Variants in NUP93 observed in about 807,000 individuals in gnomAD.
NUP93 encodes the protein nuclear pore complex protein Nup93.
Under a neutral mutation model 107.8 loss-of-function variants are expected in NUP93, and 55 were observed. The ratio of observed to expected loss-of-function variants is 0.51; its 90% CI spans 0.41 to 0.64. The LOEUF is 0.64. Among genes scored for constraint, NUP93 ranks in the 30% least tolerant of loss-of-function variants. The pLI is 0.00. For synonymous variants in NUP93, 390 were observed against 397.5 expected, an observed-to-expected ratio of 0.98 and a Z score of 0.22; for missense variants, 937 against 1,044.7, an observed-to-expected ratio of 0.90 and a Z score of 1.42.
intron 3 of NUP93, among the ~76,000 whole-genome samples, chr16:56,786,645 C>G (rs1207218347): frequency 2.0e-5 from 3 of 152,228 alleles, no homozygotes; most frequent in African/African-American, 7.2e-5. Flanking sequence ...AAAATAAACT[C>G]TATCTTGCAA....
chr16:56,765,799 G>A (rs948565534), intron 3 of NUP93, among the ~76,000 whole-genome samples: 24 of 152,166 alleles, frequency 1.6e-4, no homozygotes, highest in South Asian at 2.1e-4. Context: ...CTTCACAGAG[G>A]CAGGCTAATG....
chr16:56,804,125 G>A (rs1427077123), intron 4 of NUP93, among the ~76,000 whole-genome samples: 1 of 152,126 alleles, frequency 6.6e-6, no homozygotes, highest in African/African-American at 2.4e-5. Flanking sequence ...GTAGAAATGT[G>A]AAATGGTACA....
intron 21 of NUP93, among the ~76,000 whole-genome samples, chr16:56,842,391 G>A (rs1311351089): frequency 2.0e-5 from 3 of 152,100 alleles, no homozygotes; most frequent in African/African-American, 7.2e-5. Flanking sequence ...TGACACCTGT[G>A]CCCTTTCTGC....
intron 1 of NUP93, among the ~76,000 whole-genome samples, chr16:56,741,424 C>T (rs1401052725): frequency 6.6e-6 from 1 of 152,208 alleles, no homozygotes; most frequent in East Asian, 1.9e-4. Flanking sequence ...GGGGTTTTAT[C>T]TCAGAGGTAA....
intron 3 of NUP93, among the ~76,000 whole-genome samples, chr16:56,795,406 T>C (rs1003108477): frequency 1.1e-4 from 16 of 152,162 alleles, no homozygotes; most frequent in Non-Finnish European, 1.9e-4. Context: ...TTGTTTTGTG[T>C]CTGGGTCCCC....
intron 3 of NUP93, among the ~76,000 whole-genome samples, chr16:56,784,578 T>TA (rs1289164581): frequency 6.6e-6 from 1 of 152,232 alleles, no homozygotes; most frequent in African/African-American, 2.4e-5. Flanking sequence ...TTTATACTGT[T>TA]ACTAAGAGGA....
intron 8 of NUP93, among the ~76,000 whole-genome samples, chr16:56,827,230 G>A (rs1963686893): frequency 6.6e-6 from 1 of 151,948 alleles, no homozygotes; most frequent in Non-Finnish European, 1.5e-5. Context: ...ACATATTTGG[G>A]TATCTGTGAA....
intron 8 of NUP93, among the ~76,000 whole-genome samples, chr16:56,827,043 TCAAAAAA>T (rs1487806458): frequency 5.1e-4 from 4 of 7,788 alleles, no homozygotes; most frequent in Non-Finnish European, 9.6e-4. Flanking sequence ...AGACTCCGTC[TCAAAAAA>T]AAAAAAAAAA....
chr16:56,747,124 G>A (rs1391823689), intron 1 of NUP93, among the ~76,000 whole-genome samples: 2 of 151,740 alleles, frequency 1.3e-5, no homozygotes, highest in Admixed American at 6.6e-5. Context: ...TCAGCTTCCC[G>A]AGTAGCTGGG....
At chr16:56,770,963 A>G (rs923950723) in intron 3 of NUP93, among the ~76,000 whole-genome samples, 1 of 152,156 alleles carries the variant, frequency 6.6e-6, no homozygotes, top group African/African-American at 2.4e-5. Context: ...GTCAATTCCT[A>G]TAAATTGACA....
At chr16:56,817,548 A>T (rs1963458589) in intron 5 of NUP93, among the ~76,000 whole-genome samples, 1 of 152,208 alleles carries the variant, frequency 6.6e-6, no homozygotes. Flanking sequence ...GCTATGCTAC[A>T]GTACAAACTA....
chr16:56,779,603 G>T lies in NUP93; in HGVS notation c.298-18873G>T, dbSNP rs1382581419. Among the ~76,000 whole-genome samples the T allele has an allele frequency of 3.9e-5, 6 of 152,266 alleles. No homozygotes were observed. In the East Asian group the frequency reaches 1.2e-3, roughly 29 times the overall value. On this transcript the variant is annotated intron_variant, in intron 3 of 21. Transcript: ENST00000308159. ...TCAGGCATCTGGGGTCTGAAGGCAG[G>T]ATAGTTAACACTTCTGCTCAGAGGT...
At chr16:56,830,734 G>A in intron 10 of NUP93, 49 bp downstream of exon 10, 1 of 1,429,276 alleles carries the variant, frequency 7.0e-7, no homozygotes, top group Non-Finnish European at 9.3e-7. Flanking sequence ...CAGAATCAAA[G>A]GGGCATCCTT....
intron 1 of NUP93, among the ~76,000 whole-genome samples, chr16:56,747,125 AG>A (rs1302405339): frequency 3.3e-5 from 5 of 151,740 alleles, no homozygotes; most frequent in Non-Finnish European, 7.4e-5. Context: ...CAGCTTCCCG[AG>A]TAGCTGGGAT....
chr16:56,796,722 T>A (rs1187457321), intron 3 of NUP93, among the ~76,000 whole-genome samples: 1 of 152,236 alleles, frequency 6.6e-6, no homozygotes, highest in Non-Finnish European at 1.5e-5. Context: ...TTCACACCTG[T>A]AATCCTAGCA....
At chr16:56,762,691 G>A (rs546340140) in intron 3 of NUP93, among the ~76,000 whole-genome samples, 2 of 152,234 alleles carry the variant, frequency 1.3e-5, no homozygotes, top group East Asian at 3.9e-4. Context: ...AAACTTGGTG[G>A]CCTAAAACAA....
At chr16:56,773,396 G>A (rs1294755914) in intron 3 of NUP93, among the ~76,000 whole-genome samples, 4 of 152,240 alleles carry the variant, frequency 2.6e-5, no homozygotes, top group African/African-American at 9.6e-5. Context: ...GCATTGCAGA[G>A]CCTTTCAGGC....
At chr16:56,791,803 A>G (rs1185127029) in intron 3 of NUP93, among the ~76,000 whole-genome samples, 1 of 152,222 alleles carries the variant, frequency 6.6e-6, no homozygotes, top group Non-Finnish European at 1.5e-5. Flanking sequence ...GATGGAACAC[A>G]TGACTGGAGA....
In NUP93 at chr16:56,849,731, A is replaced by T. The variant is rs1466044537; in HGVS notation, c.*5122A>T. The T allele has an allele frequency of 6.6e-6, 1 of 152,248 alleles. No individual in the cohort carries two copies. The highest frequency in any genetic ancestry group is 6.5e-5 in the Admixed American group (1 of 15,290). 9.4% of individuals were successfully genotyped at this position (152,248 alleles called of 1,614,324 possible). ...TGTCCCAGTTCTATGTGGCTGCCCT[A>T]CCTGGGCTTGCCTCTGCTGGTACTA... On this transcript the variant is annotated 3_prime_UTR_variant, in exon 22 of 22. Coordinates refer to ENST00000308159, the MANE Select transcript of NUP93 (RefSeq NM_014669.5).
Sources: gnomAD v4.1 joint callset for allele counts (sites outside exome capture counted in the v4.1 genomes callset) on GRCh38, gnomAD v4.1.1 for gene constraint, MANE v1.5 for transcripts, NCBI Gene and HGNC (gene_info 2026-07-23, HGNC 2026-07-21) for gene names.